The following ANKRD28 variants were observed in gnomAD, a reference collection of about 807,000 sequenced individuals.
The protein encoded by ANKRD28 is serine/threonine-protein phosphatase 6 regulatory ankyrin repeat subunit A.
In ANKRD28, 44 loss-of-function variants were observed where a neutral mutation model predicts 126.5. The ratio of observed to expected loss-of-function variants is 0.35; its 90% confidence interval spans 0.27 to 0.45. The LOEUF is 0.45. ANKRD28 is among the 20% of genes least tolerant of loss of function. The pLI is 1.00. For missense variants in ANKRD28, 1,110 were observed against 1,316.6 expected, an observed-to-expected ratio of 0.84 and a Z score of 2.43; for synonymous variants, 442 against 468.5, an observed-to-expected ratio of 0.94 and a Z score of 0.73.
intron 1 of ANKRD28, among the ~76,000 whole-genome samples, chr3:15,818,161 C>T (rs569680059): frequency 1.1e-4 from 16 of 151,996 alleles, no homozygotes; most frequent in Non-Finnish European, 1.9e-4. Context: ...GGATATATGC[C>T]ACCCCTCCCT....
At chr3:15,691,335 G>A (rs997564737) in intron 17 of ANKRD28, among the ~76,000 whole-genome samples, 9 of 152,072 alleles carry the variant, frequency 5.9e-5, no homozygotes, top group Admixed American at 5.2e-4. Context: ...ATGTTGGCCA[G>A]GATGGTCTCG....
Position 15,766,461 on chromosome 3 carries a change from G to A in ANKRD28, c.202-149C>T, listed in dbSNP as rs2058743272. ...TCTATAACTCTAGCCTAGTCTGCAAGTCCCAATAAAATAAAAGGATGTGAC... is the reference window on the plus strand; with the variant it reads ...TCTATAACTCTAGCCTAGTCTGCAAATCCCAATAAAATAAAAGGATGTGAC... On this transcript the variant is annotated intron_variant, in intron 2 of 27. Transcript: ENST00000683139. 6.9e-6 allele frequency: 4 copies of A among 575,718 alleles called. No individual in the cohort carries two copies. In the East Asian group the frequency reaches 1.1e-4, roughly 16 times the overall value. 35.7% of individuals were successfully genotyped at this position (575,718 alleles called of 1,614,324 possible).
chr3:15,797,770 T>C lies in ANKRD28; in HGVS notation c.-1249A>G. 1 of 985,438 alleles carries C rather than the reference T, an allele frequency of 1.0e-6. No homozygotes were observed. Among genetic ancestry groups the C allele is most frequent in the Non-Finnish European group, 1.2e-6 (1 of 829,944 alleles). The allele number at this position is 985,438 out of a possible 1,614,324, so 61.0% of individuals were successfully genotyped here. A position where few individuals can be genotyped will look rare whatever the true frequency, so the allele number is the denominator to read the frequency against. The stretch of plus-strand genomic sequence containing the variant: ...GTGAAAACCGCCACAGTTATCCTTT[T>C]CAGATTTCAAATGCTTTCCTGTTCC... On this transcript the variant is annotated 5_prime_UTR_variant, in exon 1 of 28. Transcript: ENST00000683139.
chr3:15,797,927 C>A lies in ANKRD28; in HGVS notation c.-1406G>T. ...CAGTCTGAAGAGCAAAGACTGCAGA[C>A]CCACAGGATGAAATGCCTAGTAATG... is the stretch of plus-strand genomic sequence containing the variant. On this transcript the variant is annotated 5_prime_UTR_variant, in exon 1 of 28. Coordinates refer to ENST00000683139, the MANE Select transcript of ANKRD28 (RefSeq NM_001349278.2). 1 of 985,362 alleles carries A rather than the reference C, an allele frequency of 1.0e-6. No homozygotes were observed. The highest frequency in any genetic ancestry group is 4.7e-5 in the South Asian group (1 of 21,278). 61.0% of individuals were successfully genotyped at this position (985,362 alleles called of 1,614,324 possible).
intron 27 of ANKRD28, among the ~76,000 whole-genome samples, chr3:15,670,773 A>G (rs1452264174): frequency 6.6e-6 from 1 of 152,228 alleles, no homozygotes; most frequent in Non-Finnish European, 1.5e-5. Context: ...TAGACAACAG[A>G]AGAGGAAGCA....
chr3:15,751,783 T>C lies in ANKRD28; in HGVS notation c.318A>G (p.Thr106=). Residue 106 remains threonine, a synonymous_variant, in exon 4 of 28, where the codon ACA becomes ACG. Transcript: ENST00000683139. ...RVNAKDSKWL[T]PLHRAVASCS... Reference sequence around the variant, plus strand: ...AAGATGCAACTGCTCTGTGTAAAGGTGTCAACCATTTGCTGTCTTTGGCAT... The same window carrying C: ...AAGATGCAACTGCTCTGTGTAAAGGCGTCAACCATTTGCTGTCTTTGGCAT... 6.3e-7 allele frequency: 1 copy of C among 1,589,450 alleles called. No homozygotes were observed. Among genetic ancestry groups the C allele is most frequent in the Non-Finnish European group, 8.6e-7 (1 of 1,167,344 alleles).
chr3:15,806,126 G>A (rs1203679028), intron 1 of ANKRD28, among the ~76,000 whole-genome samples: 1 of 152,192 alleles, frequency 6.6e-6, no homozygotes, highest in Non-Finnish European at 1.5e-5. Context: ...AGGAAGGTAT[G>A]TTTGTAATGT....
In ANKRD28 at chr3:15,715,018, C is replaced by T. The variant is rs536422337; in HGVS notation, c.997-362G>A. Among the ~76,000 whole-genome samples the T allele has an allele frequency of 1.2e-4, 19 of 152,096 alleles. No homozygotes were observed. The East Asian group carries it at 1.4e-3, about 11-fold the overall frequency. ...TAAAAGTGAGTATTAGAATTAACTT[C>T]GTGAATTTTGTGTGGATACATTTAA... On this transcript the variant is annotated intron_variant, in intron 8 of 27. Transcript: ENST00000683139.
At chr3:15,835,695 C>T (rs535719569) in intron 1 of ANKRD28, among the ~76,000 whole-genome samples, 5 of 152,310 alleles carry the variant, frequency 3.3e-5, no homozygotes, top group East Asian at 1.9e-4. Flanking sequence ...GCCATCCCTT[C>T]GCAATCCTTA....
At chr3:15,755,369 G>T (rs1444962890) in intron 3 of ANKRD28, among the ~76,000 whole-genome samples, 3 of 152,136 alleles carry the variant, frequency 2.0e-5, no homozygotes, top group African/African-American at 4.8e-5. Context: ...CTGTGTTCCT[G>T]TAAAATGAAA....
At chr3:15,825,210 A>C (rs2061033822) in intron 1 of ANKRD28, among the ~76,000 whole-genome samples, 1 of 152,240 alleles carries the variant, frequency 6.6e-6, no homozygotes. Flanking sequence ...AAATGAAGAG[A>C]AAGAAAAGCA....
At chr3:15,687,801 G>C (rs1206709111) in intron 18 of ANKRD28, among the ~76,000 whole-genome samples, 1 of 152,170 alleles carries the variant, frequency 6.6e-6, no homozygotes, top group Non-Finnish European at 1.5e-5. Context: ...AGAAGAACTT[G>C]TTTGGCCCAT....
At chr3:15,734,539 C>G (rs2074882756) in intron 6 of ANKRD28, among the ~76,000 whole-genome samples, 1 of 152,174 alleles carries the variant, frequency 6.6e-6, no homozygotes, top group African/African-American at 2.4e-5. Flanking sequence ...GCCCTGAGCT[C>G]TATGGCTGCA....
At chr3:15,677,373 C>G (rs2067051390) in intron 25 of ANKRD28, 107 bp downstream of exon 25, 1 of 758,756 alleles carries the variant, frequency 1.3e-6, no homozygotes, top group Non-Finnish European at 2.2e-6. Context: ...TACCAGTGAT[C>G]ATTAGAGAGG....
At chr3:15,769,874 T>C (rs2058915637) in intron 2 of ANKRD28, among the ~76,000 whole-genome samples, 2 of 152,100 alleles carry the variant, frequency 1.3e-5, no homozygotes, top group East Asian at 3.8e-4. Flanking sequence ...CTTAGGGGTT[T>C]TGCCCTAAGA....
In ANKRD28 at chr3:15,766,223, G is replaced by C. The variant is rs763232242; in HGVS notation, c.280+11C>G. ...ACATAATGTGTTCTTATTACTCAGA[G>C]GTTACCATACCAGATAAAATAAGAA... On this transcript the variant is annotated intron_variant, in intron 3 of 27. Coordinates refer to ENST00000683139, the MANE Select transcript of ANKRD28 (RefSeq NM_001349278.2). 1.2e-6 allele frequency: 2 copies of C among 1,604,058 alleles called. No homozygotes were observed. The highest frequency in any genetic ancestry group is 2.7e-5 in the African/African-American group (2 of 74,660).
rs769617270 is a variant in ANKRD28, at chr3:15,796,501, A to G, written c.21T>C (p.Val7=). The G allele has an allele frequency of 4.7e-6, 6 of 1,288,778 alleles. No homozygotes were observed. Among genetic ancestry groups the G allele is most frequent in the Non-Finnish European group, 6.1e-6 (6 of 988,236 alleles). The allele number at this position is 1,288,778 out of a possible 1,614,324, so 79.8% of individuals were successfully genotyped here. The part of the protein sequence containing the change: MSRVCI[V]VLEEVEDESP... ...ATTCATCTTCTACCTCCTCCAAAACAACAATACACACTCGACTCATTCGAT... is the reference window on the plus strand; with the variant it reads ...ATTCATCTTCTACCTCCTCCAAAACGACAATACACACTCGACTCATTCGAT... The change falls in exon 1 of 28, where the codon GTT becomes GTC. Residue 7 remains valine (V), a synonymous_variant. Transcript: ENST00000683139.
intron 3 of ANKRD28, among the ~76,000 whole-genome samples, chr3:15,758,246 C>T (rs545805205): frequency 6.6e-6 from 1 of 152,172 alleles, no homozygotes; most frequent in African/African-American, 2.4e-5. Context: ...ATCCCTCTTC[C>T]CAAACTGGAA....
At chr3:15,820,354 G>A (rs2060916686) in intron 1 of ANKRD28, among the ~76,000 whole-genome samples, 1 of 152,102 alleles carries the variant, frequency 6.6e-6, no homozygotes, top group Admixed American at 6.6e-5. Flanking sequence ...AACAACAGTG[G>A]AATCTAATAA....
Sources: gnomAD v4.1 joint callset for allele counts (sites outside exome capture counted in the v4.1 genomes callset) on GRCh38, gnomAD v4.1.1 for gene constraint, MANE v1.5 for transcripts, NCBI Gene and HGNC (gene_info 2026-07-23, HGNC 2026-07-21) for gene names.